Variants in ZFAND4 observed in about 807,000 individuals in gnomAD.
ZFAND4 encodes zinc finger AN1-type containing 4, also known as AN1-type zinc finger protein 4.
Under a neutral mutation model 64.4 loss-of-function variants are expected in ZFAND4, and 43 were observed. The observed-to-expected ratio is 0.67, with a 90% CI of 0.52 to 0.86. The LOEUF (loss-of-function observed/expected upper bound fraction) is 0.86, where lower values mean the gene tolerates loss of function less well. ZFAND4 is among the 40% of genes least tolerant of loss of function. ZFAND4 has a pLI of 0.00. For missense variants in ZFAND4, 929 were observed against 859.8 expected, an observed-to-expected ratio of 1.08 and a Z score of -1.01; for synonymous variants, 296 against 305.7, an observed-to-expected ratio of 0.97 and a Z score of 0.33.
At chr10:45,647,951 G>T (rs528367947) in intron 5 of ZFAND4, among the ~76,000 whole-genome samples, 1 of 152,260 alleles carries the variant, frequency 6.6e-6, no homozygotes, top group East Asian at 1.9e-4. Flanking sequence ...GACCAGAGAA[G>T]TAAAGAGATT....
At chr10:45,660,547 C>T (rs1357231401) in intron 2 of ZFAND4, among the ~76,000 whole-genome samples, 1 of 151,970 alleles carries the variant, frequency 6.6e-6, no homozygotes, top group Non-Finnish European at 1.5e-5. Flanking sequence ...CATACCAAAC[C>T]ACAGATCCAA....
chr10:45,666,130 C>T (rs2048809429), intron 1 of ZFAND4, among the ~76,000 whole-genome samples: 1 of 152,148 alleles, frequency 6.6e-6, no homozygotes, highest in Non-Finnish European at 1.5e-5. Context: ...TGTGGAACTA[C>T]CAAACTGTTT....
intron 6 of ZFAND4, among the ~76,000 whole-genome samples, chr10:45,634,095 A>G (rs2133639077): frequency 7.0e-6 from 1 of 143,266 alleles, no homozygotes; most frequent in East Asian, 2.1e-4. Flanking sequence ...TAGGAGATAC[A>G]TAATAAATAA....
At position 45,626,570 on chromosome 10, in the gene ZFAND4, C is replaced by G. The variant is rs1328716491; in HGVS notation, c.1253G>C (p.Gly418Ala). The G allele has an allele frequency of 6.2e-7, 1 of 1,614,176 alleles. No homozygotes were observed. Among genetic ancestry groups the G allele is most frequent in the Non-Finnish European group, 8.5e-7 (1 of 1,180,044 alleles). ...CAACTCCAGATTCACTTTGCACGCA[C>G]CTTCTAAGCCGCTGCTCTGTTCATC... is the stretch of plus-strand genomic sequence containing the variant. ...NADEQSSGLE[G>A]ACKVNLELLL... is the part of the protein sequence containing the mutation. Residue 418 changes from glycine to alanine, a missense_variant, in exon 7 of 10, where the codon GGT becomes GCT. Transcript: ENST00000344646.
At chr10:45,668,810 A>G (rs1342427873) in intron 1 of ZFAND4, among the ~76,000 whole-genome samples, 1 of 152,258 alleles carries the variant, frequency 6.6e-6, no homozygotes, top group Non-Finnish European at 1.5e-5. Flanking sequence ...TGGGTAAATA[A>G]CGAAATGAAG....
chr10:45,639,776 T>C (rs749232328), intron 6 of ZFAND4, 40 bp downstream of exon 6: 6 of 1,569,334 alleles, frequency 3.8e-6, no homozygotes, highest in East Asian at 4.5e-5. Context: ...TCTGCAGGGG[T>C]AAGCTAGAGA....
intron 2 of ZFAND4, among the ~76,000 whole-genome samples, chr10:45,655,957 C>A (rs528581537): frequency 1.3e-5 from 2 of 152,202 alleles, no homozygotes; most frequent in African/African-American, 4.8e-5. Context: ...ACTGGCCGGG[C>A]GCAGTGGCTC....
rs570599020 is a variant in ZFAND4 at position 45,672,438 on chromosome 10, A to C, written c.-306T>G. ...TCACGCCCAAAGGAACAAACGCCAG[A>C]GCGTGTGTCCTGGGCAAAGGCGGCC... is the stretch of plus-strand genomic sequence containing the variant. On this transcript the variant is annotated 5_prime_UTR_variant, in exon 1 of 10. Transcript: ENST00000344646. 2.6e-5 allele frequency: 4 copies of C among 152,220 alleles called. No individual in the cohort carries two copies. The highest frequency in any genetic ancestry group is 9.6e-5 in the African/African-American group (4 of 41,572). The allele number at this position is 152,220 out of a possible 1,614,324, so 9.4% of individuals were successfully genotyped here.
chr10:45,645,370 T>A (rs2047309185), intron 5 of ZFAND4, among the ~76,000 whole-genome samples: 1 of 152,194 alleles, frequency 6.6e-6, no homozygotes, highest in Non-Finnish European at 1.5e-5. Flanking sequence ...AAACCAGCAG[T>A]GTTAATGGTA....
In ZFAND4 at chr10:45,626,707, T is replaced by G; in HGVS notation, c.1116A>C (p.Gly372=). 6.2e-7 allele frequency: 1 copy of G among 1,614,224 alleles called. No individual in the cohort carries two copies. Among genetic ancestry groups the G allele is most frequent in the Non-Finnish European group, 8.5e-7 (1 of 1,180,046 alleles). The change falls in exon 7 of 10, where the codon GGA becomes GGC. Residue 372 remains glycine, a synonymous_variant. Transcript: ENST00000344646. Reference sequence around the variant, plus strand: ...TGTTCCCATTACTAGATGGCAAGTTTCCTAAAAAATGTTTTGTTTGCCTAG... The same window carrying G: ...TGTTCCCATTACTAGATGGCAAGTTGCCTAAAAAATGTTTTGTTTGCCTAG... ...SLPRQTKHFL[G]NLPSSNGNIV...
At chr10:45,663,363 G>C (rs2048599680) in intron 2 of ZFAND4, among the ~76,000 whole-genome samples, 179 bp downstream of exon 2, 1 of 152,100 alleles carries the variant, frequency 6.6e-6, no homozygotes, top group South Asian at 2.1e-4. Context: ...ACAGCAATGG[G>C]GATAAAATAG....
chr10:45,659,878 T>C (rs1014299540), intron 2 of ZFAND4, among the ~76,000 whole-genome samples: 2 of 152,068 alleles, frequency 1.3e-5, no homozygotes, highest in Non-Finnish European at 2.9e-5. Flanking sequence ...ATTGGGAAGT[T>C]TGAAAAATGG....
At chr10:45,645,431 G>T (rs980344554) in intron 5 of ZFAND4, among the ~76,000 whole-genome samples, 5 of 152,108 alleles carry the variant, frequency 3.3e-5, no homozygotes, top group Non-Finnish European at 7.4e-5. Flanking sequence ...TGGCTTACTG[G>T]TAATAAAGTT....
intron 4 of ZFAND4, chr10:45,648,862 T>C: frequency 1.2e-6 from 1 of 831,002 alleles, no homozygotes; most frequent in Non-Finnish European, 1.5e-6. Context: ...GCTGATTCTA[T>C]GATATTACTA....
intron 1 of ZFAND4, among the ~76,000 whole-genome samples, chr10:45,666,209 T>C (rs2048814041): frequency 6.6e-6 from 1 of 152,218 alleles, no homozygotes; most frequent in African/African-American, 2.4e-5. Flanking sequence ...TCCACACCCT[T>C]GACAATACTT....
chr10:45,631,318 C>CA lies in ZFAND4; in HGVS notation c.718-4214dup, dbSNP rs35859169. ...GGCAACACAGCAAGACTCCGCCCCC[C>CA]AAAAAAAAAAAATTCCAAAAAAGAA... On this transcript the variant is annotated intron_variant, in intron 6 of 9. Coordinates refer to ENST00000344646, the MANE Select transcript of ZFAND4 (RefSeq NM_174890.4). Among the ~76,000 whole-genome samples the CA allele has an allele frequency of 2.1e-3, 244 of 116,608 alleles. 1 individual carries two copies. Among genetic ancestry groups the CA allele is most frequent in the African/African-American group, 6.4e-3 (187 of 29,062 alleles). The allele number at this position is 116,608 out of a possible 152,430, so 76.5% of individuals were successfully genotyped here. A position where few individuals can be genotyped will look rare whatever the true frequency, so the allele number is the denominator to read the frequency against.
In ZFAND4 at chr10:45,625,958, A is replaced by G; in HGVS notation, c.1865T>C (p.Val622Ala). The G allele has an allele frequency of 6.2e-7, 1 of 1,612,146 alleles. No homozygotes were observed. Among genetic ancestry groups the G allele is most frequent in the Non-Finnish European group, 8.5e-7 (1 of 1,179,468 alleles). The stretch of plus-strand genomic sequence containing the variant: ...TGAAAGGAAAATACTGACCAAAAAA[A>G]CTCCTGTATGTTCTAACTGGGGAGA... ...KSSPQLEHTG[V>A]FLSTHGVGMN... Residue 622 changes from valine to alanine, a missense_variant, in exon 7 of 10, where the codon GTT becomes GCT. Coordinates refer to ENST00000344646, the MANE Select transcript of ZFAND4 (RefSeq NM_174890.4).
chr10:45,647,418 C>T (rs2047459670), intron 5 of ZFAND4, among the ~76,000 whole-genome samples: 1 of 147,004 alleles, frequency 6.8e-6, no homozygotes, highest in Admixed American at 6.9e-5. Flanking sequence ...CTCCAAACTA[C>T]AAGCTGTTTT....
chr10:45,625,788 C>T (rs963569660), intron 7 of ZFAND4, among the ~76,000 whole-genome samples, 163 bp downstream of exon 7: 3 of 151,972 alleles, frequency 2.0e-5, no homozygotes, highest in Non-Finnish European at 4.4e-5. Context: ...ATTCAAAATT[C>T]GACTATCAAG....
Sources: gnomAD v4.1 joint callset for allele counts (sites outside exome capture counted in the v4.1 genomes callset) on GRCh38, gnomAD v4.1.1 for gene constraint, MANE v1.5 for transcripts, NCBI Gene and HGNC (gene_info 2026-07-23, HGNC 2026-07-21) for gene names.